The following RAD51B variants were observed in gnomAD, a reference collection of about 807,000 sequenced individuals.
RAD51B encodes DNA repair protein RAD51 homolog 2.
Under a neutral mutation model 42.2 loss-of-function variants are expected in RAD51B, and 38 were observed. That is an observed-to-expected ratio of 0.90 (90% CI 0.70 to 1.18). The LOEUF is 1.18. Ranked by LOEUF, RAD51B falls within the 50% of genes most tolerant of loss-of-function variation. The probability of loss-of-function intolerance (pLI) is 0.00; values close to 1 mark genes in which losing one functional copy is unlikely to be tolerated. For missense variants in RAD51B, 373 were observed against 400.7 expected, an observed-to-expected ratio of 0.93 and a Z score of 0.59; for synonymous variants, 154 against 145.2, an observed-to-expected ratio of 1.06 and a Z score of -0.43.
intron 10 of RAD51B, among the ~76,000 whole-genome samples, chr14:68,644,662 A>G (rs191442947): frequency 3.3e-5 from 5 of 152,224 alleles, no homozygotes; most frequent in Admixed American, 1.3e-4. Context: ...TCCGTTTTCA[A>G]TCTCCCCTCA....
Position 68,602,812 on chromosome 14 carries a change from C to A in RAD51B, c.1037-8194C>A, listed in dbSNP as rs117655875. Among the ~76,000 whole-genome samples, 40 of 152,296 alleles carry A rather than the reference C, an allele frequency of 2.6e-4. 1 individual carries two copies. In the East Asian group the frequency reaches 6.2e-3, roughly 24 times the overall value. On this transcript the variant is annotated intron_variant, in intron 10 of 10. Coordinates refer to the RAD51B transcript ENST00000487861. Reference sequence around the variant, plus strand: ...TGACGAGATATCCGGGTACTATGACCTAGGCAAGTCAACACATAACATTAC... The same window carrying A: ...TGACGAGATATCCGGGTACTATGACATAGGCAAGTCAACACATAACATTAC...
chr14:68,542,169 A>G (rs1318008293), intron 10 of RAD51B, among the ~76,000 whole-genome samples: 1 of 152,170 alleles, frequency 6.6e-6, no homozygotes, highest in African/African-American at 2.4e-5. Flanking sequence ...AGCACAATAA[A>G]TATGTCAGGG....
rs1165899858 is a variant in RAD51B at position 67,872,446 on chromosome 14, A to G, written c.452+7307A>G. On this transcript the variant is annotated intron_variant, in intron 5 of 10. Coordinates refer to ENST00000471583, the MANE Select transcript of RAD51B (RefSeq NM_133510.4). ...GCTCAAGGAAATAAAAGAGGATACA[A>G]ACAAATGGAAGAACATTCCATGCTC... is the stretch of plus-strand genomic sequence containing the variant. 2.0e-5 allele frequency among the ~76,000 whole-genome samples: 3 copies of G among 146,594 alleles called. No homozygotes were observed. The East Asian group carries it at 5.9e-4, about 29-fold the overall frequency.
intron 8 of RAD51B, among the ~76,000 whole-genome samples, chr14:68,399,641 T>G (rs2084036476): frequency 1.3e-5 from 2 of 152,232 alleles, no homozygotes; most frequent in Admixed American, 1.3e-4. Flanking sequence ...ATTGTTAACT[T>G]ATTATAATTA....
chr14:68,244,363 T>C (rs1050038255), intron 7 of RAD51B, among the ~76,000 whole-genome samples: 5 of 152,202 alleles, frequency 3.3e-5, no homozygotes, highest in East Asian at 1.9e-4. Context: ...AGATAAAGCA[T>C]TGGCAGACAA....
intron 10 of RAD51B, among the ~76,000 whole-genome samples, chr14:68,491,616 G>C (rs187359629): frequency 4.5e-4 from 68 of 152,178 alleles, no homozygotes; most frequent in Admixed American, 9.8e-4. Flanking sequence ...TAGTCCAAGT[G>C]GGGGGGCACT....
chr14:68,304,292 A>G (rs2081814028), intron 8 of RAD51B, among the ~76,000 whole-genome samples: 1 of 152,258 alleles, frequency 6.6e-6, no homozygotes, highest in Non-Finnish European at 1.5e-5. Context: ...TAAAAATGCA[A>G]CAACTTAGTG....
intron 10 of RAD51B, among the ~76,000 whole-genome samples, chr14:68,605,439 G>A (rs966584995): frequency 2.6e-5 from 4 of 152,234 alleles, no homozygotes; most frequent in African/African-American, 9.6e-5. Flanking sequence ...GTTTGTCCCT[G>A]CTACTGTGTC....
intron 10 of RAD51B, among the ~76,000 whole-genome samples, chr14:68,485,875 C>T (rs752111644): frequency 5.3e-5 from 8 of 152,184 alleles, no homozygotes; most frequent in South Asian, 2.1e-4. Flanking sequence ...GGTTTTTGGA[C>T]GACTAGTCAC....
At chr14:68,161,438 A>T (rs1473022714) in intron 7 of RAD51B, among the ~76,000 whole-genome samples, 1 of 152,204 alleles carries the variant, frequency 6.6e-6, no homozygotes, top group Non-Finnish European at 1.5e-5. Flanking sequence ...CATAGGTCAC[A>T]TGCACATCCC....
At chr14:68,447,489 G>A (rs1339651155) in intron 9 of RAD51B, among the ~76,000 whole-genome samples, 2 of 150,148 alleles carry the variant, frequency 1.3e-5, no homozygotes, top group Non-Finnish European at 1.5e-5. Flanking sequence ...ACAGTAGAGA[G>A]AAAAAAAAAA....
chr14:67,906,840 A>C (rs1286715781), intron 7 of RAD51B, among the ~76,000 whole-genome samples: 1 of 150,270 alleles, frequency 6.7e-6, no homozygotes, highest in African/African-American at 2.5e-5. Flanking sequence ...ACGAAATTTC[A>C]GTCTTGTTGC....
intron 7 of RAD51B, among the ~76,000 whole-genome samples, chr14:68,267,775 G>A (rs1024335190): frequency 6.6e-6 from 1 of 152,184 alleles, no homozygotes; most frequent in South Asian, 2.1e-4. Flanking sequence ...CAGATTAATC[G>A]TATCACTTTG....
chr14:68,313,881 C>T (rs2139737316), intron 8 of RAD51B, among the ~76,000 whole-genome samples: 1 of 152,142 alleles, frequency 6.6e-6, no homozygotes, highest in Admixed American at 6.5e-5. Flanking sequence ...TTCTTAGTGC[C>T]TAGCTTCCTC....
chr14:68,272,649 A>T (rs868354281), intron 7 of RAD51B, among the ~76,000 whole-genome samples: 1 of 12,712 alleles, frequency 7.9e-5, no homozygotes. Context: ...ATATATATAT[A>T]TATATATATA....
intron 7 of RAD51B, among the ~76,000 whole-genome samples, chr14:68,202,573 CTTTTTTTTTT>C (rs145298493): frequency 1.2e-5 from 1 of 81,612 alleles, no homozygotes; most frequent in Non-Finnish European, 2.4e-5. Context: ...GAAGCAACGT[CTTTTTTTTTT>C]TTTTTTTTTT....
chr14:68,051,810 C>T (rs2140420566), intron 7 of RAD51B, among the ~76,000 whole-genome samples: 1 of 151,938 alleles, frequency 6.6e-6, no homozygotes, highest in Admixed American at 6.6e-5. Context: ...ACTGTATTGT[C>T]CAGGCTGGTC....
At chr14:68,445,174 G>C (rs917313674) in intron 9 of RAD51B, among the ~76,000 whole-genome samples, 6 of 152,126 alleles carry the variant, frequency 3.9e-5, no homozygotes, top group Non-Finnish European at 8.8e-5. Flanking sequence ...TGAAGAGTTA[G>C]CCCACAAGGC....
chr14:68,572,745 G>A (rs1255896142), intron 10 of RAD51B, among the ~76,000 whole-genome samples: 1 of 152,136 alleles, frequency 6.6e-6, no homozygotes, highest in Non-Finnish European at 1.5e-5. Flanking sequence ...CTTCAATCTT[G>A]ATATGCTCTT....
Sources: gnomAD v4.1 joint callset for allele counts (sites outside exome capture counted in the v4.1 genomes callset) on GRCh38, gnomAD v4.1.1 for gene constraint, MANE v1.5 for transcripts, NCBI Gene and HGNC (gene_info 2026-07-23, HGNC 2026-07-21) for gene names.